The following ACOXL variants were observed in gnomAD, a reference collection of about 807,000 sequenced individuals.
The protein encoded by ACOXL is acyl-CoA oxidase like.
A neutral mutation model predicts 71.9 loss-of-function variants in ACOXL; 70 were observed. The ratio of observed to expected loss-of-function variants is 0.97; its 90% CI spans 0.80 to 1.19. ACOXL has a LOEUF of 1.19. Ranked by LOEUF, ACOXL falls within the 50% of genes most tolerant of loss-of-function variation. The pLI, the probability that ACOXL is intolerant of heterozygous loss-of-function variation, is 0.00. For synonymous variants in ACOXL, 253 were observed against 281.6 expected (o/e 0.90, Z 1.02); for missense variants, 703 against 736.3 (o/e 0.95, Z 0.52).
chr2:110,981,538 A>G (rs1359510905), intron 12 of ACOXL, among the ~76,000 whole-genome samples: 1 of 152,252 alleles, frequency 6.6e-6, no homozygotes, highest in African/African-American at 2.4e-5. Context: ...AGTTTGGAAC[A>G]GAGCTTAAGT....
At position 110,774,460 on chromosome 2, in the gene ACOXL, C is replaced by A. The variant is rs553653442; in HGVS notation, c.75+5996C>A. ...AGATTCCACAAAAAATCTGTTAGAA[C>A]TAATAAATTCAGCAAAGCTACAGGA... On this transcript the variant is annotated intron_variant, in intron 2 of 17. Coordinates refer to ENST00000439055, the MANE Select transcript of ACOXL (RefSeq NM_001142807.4). Among the ~76,000 whole-genome samples, 84 of 152,226 alleles carry A rather than the reference C, an allele frequency of 5.5e-4. 2 individuals are homozygous for A. The Middle Eastern group carries it at 0.017, about 31-fold the overall frequency.
chr2:110,915,835 A>T (rs1185340225), intron 11 of ACOXL, among the ~76,000 whole-genome samples: 1 of 151,968 alleles, frequency 6.6e-6, no homozygotes, highest in Non-Finnish European at 1.5e-5. Flanking sequence ...GGTGCTTGAA[A>T]TTTCCTTGGA....
At chr2:111,030,557 C>T (rs905330153) in intron 14 of ACOXL, among the ~76,000 whole-genome samples, 21 of 152,158 alleles carry the variant, frequency 1.4e-4, no homozygotes, top group Non-Finnish European at 2.1e-4. Flanking sequence ...GAGCACAAAG[C>T]ACTGTGTTAC....
In ACOXL at chr2:110,769,223, GAAAA is replaced by G. The variant is rs565453011; in HGVS notation, c.75+762_75+765del. 5.2e-3 allele frequency among the ~76,000 whole-genome samples: 707 copies of G among 135,564 alleles called. 7 individuals are homozygous for G. Among genetic ancestry groups the G allele is most frequent in the African/African-American group, 0.019 (652 of 34,244 alleles). 88.9% of individuals were successfully genotyped at this position (135,564 alleles called of 152,430 possible). A position where few individuals can be genotyped will look rare whatever the true frequency, so the allele number is the denominator to read the frequency against. ...ATTATTTTAGTCAATTTAGCCTCAT[GAAAA>G]AAGAAAGAAAGAAAGAAAGAAAGAA... On this transcript the variant is annotated intron_variant, in intron 2 of 17. Coordinates refer to ENST00000439055, the MANE Select transcript of ACOXL (RefSeq NM_001142807.4).
At chr2:110,749,976 T>C (rs1678711573) in intron 1 of ACOXL, among the ~76,000 whole-genome samples, 2 of 152,192 alleles carry the variant, frequency 1.3e-5, no homozygotes, top group Admixed American at 6.5e-5. Flanking sequence ...GTCTGTGTTT[T>C]CCGTATGACT....
At chr2:110,995,168 T>C (rs1459118897) in intron 13 of ACOXL, among the ~76,000 whole-genome samples, 1 of 152,042 alleles carries the variant, frequency 6.6e-6, no homozygotes, top group East Asian at 1.9e-4. Flanking sequence ...TAGAGCTGTA[T>C]AGTGGTTGAG....
intron 16 of ACOXL, among the ~76,000 whole-genome samples, chr2:111,052,246 G>A (rs1194915115): frequency 2.0e-5 from 3 of 152,246 alleles, no homozygotes; most frequent in East Asian, 1.9e-4. Context: ...TTCTTCCTGC[G>A]GGGCCCACTC....
intron 13 of ACOXL, among the ~76,000 whole-genome samples, chr2:110,990,571 C>G (rs2063132280): frequency 2.0e-5 from 3 of 152,076 alleles, no homozygotes; most frequent in Admixed American, 2.0e-4. Flanking sequence ...ACAAGGTGTT[C>G]TTTTGTCTTA....
intron 14 of ACOXL, among the ~76,000 whole-genome samples, chr2:111,006,760 T>C (rs72834594): frequency 0.088 from 13,309 of 152,080 alleles, 721 homozygotes; most frequent in East Asian, 0.22. Flanking sequence ...GATTTCGCCA[T>C]GTTGATCAGG....
intron 10 of ACOXL, among the ~76,000 whole-genome samples, chr2:110,899,177 G>C (rs555738188): frequency 6.6e-6 from 1 of 152,194 alleles, no homozygotes; most frequent in Non-Finnish European, 1.5e-5. Flanking sequence ...TGAGACTGTG[G>C]ATTGAGAGGG....
rs551358245 is a variant in ACOXL, at chr2:110,997,432, T to G, written c.1281+1428T>G. ...AGCAACAAGACAGAAAATAATAGCT[T>G]ACTCAAAAACAGAAAAAATTAGGCT... On this transcript the variant is annotated intron_variant, in intron 14 of 17. Transcript: ENST00000439055. Among the ~76,000 whole-genome samples the G allele has an allele frequency of 2.0e-5, 3 of 152,274 alleles. No individual in the cohort carries two copies. In the South Asian group the frequency reaches 6.2e-4, roughly 32 times the overall value.
At chr2:110,865,758 G>T (rs1369215167) in intron 10 of ACOXL, among the ~76,000 whole-genome samples, 1 of 152,150 alleles carries the variant, frequency 6.6e-6, no homozygotes, top group Non-Finnish European at 1.5e-5. Context: ...TTTGCAAGGA[G>T]AGAAATATGT....
In ACOXL at chr2:110,793,673, T is replaced by C; in HGVS notation, c.183T>C (p.Phe61=). Residue 61 remains phenylalanine (F), a synonymous_variant, in exon 4 of 18, where the codon TTT becomes TTC. Transcript: ENST00000439055. The part of the protein sequence containing the change: ...GVKCGIIYWL[F]GGAIRNLGSP... ...AGTGCGGAATAATTTATTGGCTATT[T>C]GGTGGTGCTATCAGGAATCTCGGAA... 3.7e-6 allele frequency: 6 copies of C among 1,614,164 alleles called. No homozygotes were observed. Among genetic ancestry groups the C allele is most frequent in the Non-Finnish European group, 5.1e-6 (6 of 1,180,008 alleles).
chr2:110,739,542 G>A (rs1677253288), intron 1 of ACOXL, among the ~76,000 whole-genome samples: 1 of 152,238 alleles, frequency 6.6e-6, no homozygotes, highest in South Asian at 2.1e-4. Context: ...CACATGATTG[G>A]CTGCACCCTG....
In ACOXL at chr2:110,789,971, A is replaced by C. The variant is rs1276813205; in HGVS notation, c.160-3679A>C. Among the ~76,000 whole-genome samples the C allele has an allele frequency of 3.3e-5, 5 of 152,218 alleles. No individual in the cohort carries two copies. In the East Asian group the frequency reaches 9.6e-4, roughly 29 times the overall value. ...GACAGGGGCACACTCAGAACAACAG[A>C]GTTGTACATGCTACCTCTAGGACTT... On this transcript the variant is annotated intron_variant, in intron 3 of 17. Coordinates refer to ENST00000439055, the MANE Select transcript of ACOXL (RefSeq NM_001142807.4).
chr2:111,031,668 G>A lies in ACOXL; in HGVS notation c.1323G>A (p.Ser441=), dbSNP rs374028831. Residue 441 remains serine, a synonymous_variant, in exon 15 of 18, where the codon TCG becomes TCA. Coordinates refer to ENST00000439055, the MANE Select transcript of ACOXL (RefSeq NM_001142807.4). ...KKEDFFHAWN[S]CLHHVASLSL... is the part of the protein sequence containing the mutation. ...AGGATTTTTTCCATGCCTGGAACTC[G>A]TGTCTGCACCACGTGGCTTCTCTGT... is the stretch of plus-strand genomic sequence containing the variant. 1.7e-4 allele frequency: 268 copies of A among 1,614,138 alleles called. 1 individual carries two copies. In the South Asian group the frequency reaches 2.3e-3, roughly 14 times the overall value.
At chr2:110,908,440 A>G (rs2059537053) in intron 10 of ACOXL, among the ~76,000 whole-genome samples, 1 of 152,222 alleles carries the variant, frequency 6.6e-6, no homozygotes, top group Admixed American at 6.5e-5. Context: ...CCTATTAATT[A>G]TGTAACAAAT....
At chr2:110,818,745 G>A (rs1288984031) in intron 9 of ACOXL, among the ~76,000 whole-genome samples, 1 of 152,066 alleles carries the variant, frequency 6.6e-6, no homozygotes. Flanking sequence ...GCATTGGAGG[G>A]TGGAACATAG....
intron 15 of ACOXL, among the ~76,000 whole-genome samples, chr2:111,038,798 T>C (rs2065645069): frequency 6.6e-6 from 1 of 152,244 alleles, no homozygotes; most frequent in Admixed American, 6.5e-5. Flanking sequence ...TACATTTAAA[T>C]TTAGGTTTTA....
Sources: allele counts gnomAD v4.1 joint callset (sites outside exome capture counted in the v4.1 genomes callset), GRCh38; gene constraint gnomAD v4.1.1; transcripts MANE v1.5; gene names NCBI Gene and HGNC (gene_info 2026-07-23, HGNC 2026-07-21).